Variants in ARL2 observed in about 807,000 individuals in gnomAD.
ARL2 encodes ADP-ribosylation factor-like protein 2.
Under a neutral mutation model 22.0 loss-of-function variants are expected in ARL2, and 11 were observed. The ratio of observed to expected loss-of-function variants is 0.50; its 90% CI spans 0.31 to 0.83. ARL2 has a LOEUF of 0.83. ARL2 is among the 40% of genes least tolerant of loss of function. ARL2 has a pLI of 0.04. For synonymous variants in ARL2, 111 were observed against 100.8 expected, an observed-to-expected ratio of 1.10 and a Z score of -0.61; for missense variants, 216 against 243.2, an observed-to-expected ratio of 0.89 and a Z score of 0.74.
Position 65,018,804 on chromosome 11 carries a change from C to T in ARL2, c.339+71C>T, listed in dbSNP as rs574046543. ...CCTTCTCAGCAGATGCCCAGAGGGG[C>T]CCGTGGCCCCAGAGGGAAACCAGAG... On this transcript the variant is annotated intron_variant, in intron 3 of 4. Coordinates refer to ENST00000246747, the MANE Select transcript of ARL2 (RefSeq NM_001667.4). The surrounding 1 kb of genome is among the most constrained non-coding windows in gnomAD (Gnocchi z 4.2). The T allele has an allele frequency of 7.5e-6, 12 of 1,591,522 alleles. No homozygotes were observed. The South Asian group carries it at 1.0e-4, about 13-fold the overall frequency.
chr11:65,020,138 C>A (rs990114999), intron 3 of ARL2, among the ~76,000 whole-genome samples: 1 of 152,190 alleles, frequency 6.6e-6, no homozygotes, highest in African/African-American at 2.4e-5. Context: ...TTATGCAACA[C>A]CCCTCCCTGT....
rs1446015778 is a variant in ARL2, at chr11:65,018,538, A to G, written c.177-33A>G. The G allele has an allele frequency of 1.2e-6, 2 of 1,602,044 alleles. No homozygotes were observed. The highest frequency in any genetic ancestry group is 4.5e-5 in the East Asian group (2 of 44,452). ...GGCAGGGAAGGTGGGAGAGGGGCCC[A>G]GCTGACCCTCCTGTCACCCGCTCCT... On this transcript the variant is annotated intron_variant, in intron 2 of 4. Transcript: ENST00000246747. This position sits in a 1 kb window ranked among gnomAD's most constrained non-coding sequence, Gnocchi z 4.2.
chr11:65,017,230 G>A (rs1293461386), intron 1 of ARL2, among the ~76,000 whole-genome samples: 1 of 151,472 alleles, frequency 6.6e-6, no homozygotes, highest in Non-Finnish European at 1.5e-5. Flanking sequence ...GGGTCTCGCT[G>A]AGTCGCCCAG....
chr11:65,020,599 T>C, intron 4 of ARL2, 100 bp downstream of exon 4: 1 of 1,248,418 alleles, frequency 8.0e-7, no homozygotes, highest in Non-Finnish European at 1.1e-6. Context: ...CTGGGTGCAG[T>C]GGCTCACGCC....
Position 65,021,822 on chromosome 11 carries a change from T to C in ARL2, c.522T>C (p.Asp174=), listed in dbSNP as rs777076110. The C allele has an allele frequency of 5.6e-6, 9 of 1,613,320 alleles. No homozygotes were observed. The African/African-American group carries it at 1.2e-4, about 22-fold the overall frequency. The change falls in exon 5 of 5, where the codon GAT becomes GAC. Residue 174 remains aspartate, a synonymous_variant. Transcript: ENST00000246747. ...TGCCGGGCATCGACTGGCTCCTGGA[T>C]GACATTTCCAGCCGCATTTTCACAG... ...NLLPGIDWLL[D]DISSRIFTAD
At chr11:65,019,551 AAAG>A (rs201806415) in intron 3 of ARL2, 33 of 153,094 alleles carry the variant, frequency 2.2e-4, no homozygotes, top group Non-Finnish European at 2.0e-4. Flanking sequence ...CAAAAAAAAA[AAAG>A]AAGGACACTT....
At chr11:65,021,529 T>G (rs969331234) in intron 4 of ARL2, 192 bp from the exon 5 acceptor site, 4 of 626,266 alleles carry the variant, frequency 6.4e-6, no homozygotes, top group Non-Finnish European at 8.2e-6. Flanking sequence ...GGCATGGAAC[T>G]GGACAGAGAG....
chr11:65,014,207 C>T lies in ARL2; in HGVS notation c.-1C>T, dbSNP rs1202424623. ...GCGGCCGGGAGGGGGCTCCGGGGAC[C>T]ATGGGGCTCCTGACCATTCTGAAGA... On this transcript the variant is annotated 5_prime_UTR_variant, in exon 1 of 5. Transcript: ENST00000246747. 1.3e-6 allele frequency: 2 copies of T among 1,570,212 alleles called. No homozygotes were observed. Among genetic ancestry groups the T allele is most frequent in the Non-Finnish European group, 8.6e-7 (1 of 1,162,066 alleles).
chr11:65,014,312 C>A, intron 1 of ARL2, 40 bp downstream of exon 1: 1 of 1,505,662 alleles, frequency 6.6e-7, no homozygotes, highest in South Asian at 1.3e-5. Context: ...GTGGCGGGGT[C>A]CAGCCGGGCA....
intron 3 of ARL2, chr11:65,019,039 G>A (rs771242301): frequency 9.8e-6 from 10 of 1,019,806 alleles, no homozygotes; most frequent in African/African-American, 1.6e-5. Flanking sequence ...ATGAAGCTTC[G>A]AGAGGCCATG....
chr11:65,020,196 G>T (rs558243426), intron 3 of ARL2, among the ~76,000 whole-genome samples: 2 of 152,306 alleles, frequency 1.3e-5, no homozygotes, highest in South Asian at 4.1e-4. Flanking sequence ...TCCCCTGGGT[G>T]GTGGTTGGCT....
At chr11:65,015,894 T>C (rs1266452617) in intron 1 of ARL2, among the ~76,000 whole-genome samples, 1 of 151,392 alleles carries the variant, frequency 6.6e-6, no homozygotes, top group Non-Finnish European at 1.5e-5. Flanking sequence ...TAATGCAATT[T>C]AGGGTGGTCA....
chr11:65,017,085 C>T (rs1375211091), intron 1 of ARL2, among the ~76,000 whole-genome samples: 2 of 151,920 alleles, frequency 1.3e-5, no homozygotes, highest in Non-Finnish European at 2.9e-5. Context: ...CTTGAAAGAG[C>T]AAGAAGGCAG....
rs567351380 is a variant in ARL2 at position 65,022,103 on chromosome 11, G to A, written c.*248G>A. 2.4e-5 allele frequency: 13 copies of A among 533,888 alleles called. No homozygotes were observed. Among genetic ancestry groups the A allele is most frequent in the Admixed American group, 9.5e-5 (3 of 31,678 alleles). The allele number at this position is 533,888 out of a possible 1,614,324, so 33.1% of individuals were successfully genotyped here. A position where few individuals can be genotyped will look rare whatever the true frequency, so the allele number is the denominator to read the frequency against. ...CCATACCAAGAAGAGAGGGCTGGGC[G>A]GGGAGGAGCTGCTACTGCTGCTACC... On this transcript the variant is annotated 3_prime_UTR_variant, in exon 5 of 5. Transcript: ENST00000246747.
Position 65,022,079 on chromosome 11 carries a change from C to A in ARL2, c.*224C>A. Reference sequence around the variant, plus strand: ...GGCTCCTGACCTGGCCTTTGGCTACCATACCAAGAAGAGAGGGCTGGGCGG... The same window carrying A: ...GGCTCCTGACCTGGCCTTTGGCTACAATACCAAGAAGAGAGGGCTGGGCGG... On this transcript the variant is annotated 3_prime_UTR_variant, in exon 5 of 5. Transcript: ENST00000246747. 1 of 606,046 alleles carries A rather than the reference C, an allele frequency of 1.7e-6. No individual in the cohort carries two copies. The highest frequency in any genetic ancestry group is 2.8e-6 in the Non-Finnish European group (1 of 355,152). The allele number at this position is 606,046 out of a possible 1,614,324, so 37.5% of individuals were successfully genotyped here.
At position 65,016,194 on chromosome 11, in the gene ARL2, C is replaced by A. The variant is rs148256672; in HGVS notation, c.65+1922C>A. On this transcript the variant is annotated intron_variant, in intron 1 of 4. Transcript: ENST00000246747. ...TGCAGTCCAGCCTGGGTGACAAGAG[C>A]GAAACTCTGTTAAAAAAAAAAAAAA... Among the ~76,000 whole-genome samples the A allele has an allele frequency of 5.7e-3, 528 of 92,420 alleles. 2 individuals are homozygous for A. The highest frequency in any genetic ancestry group is 0.024 in the African/African-American group (506 of 21,508). 60.6% of individuals were successfully genotyped at this position (92,420 alleles called of 152,430 possible).
At chr11:65,019,800 AG>A (rs944777324) in intron 3 of ARL2, among the ~76,000 whole-genome samples, 54 of 152,290 alleles carry the variant, frequency 3.5e-4, no homozygotes, top group Middle Eastern at 3.4e-3. Flanking sequence ...TGAGAGTGAA[AG>A]GGGGGATTCT....
intron 1 of ARL2, among the ~76,000 whole-genome samples, chr11:65,017,921 G>C (rs1428951916): frequency 1.3e-5 from 2 of 152,254 alleles, no homozygotes; most frequent in East Asian, 3.9e-4. Context: ...TTGTATTTTG[G>C]GTCTCAGCTC....
rs778508915 is a variant in ARL2 at position 65,014,188 on chromosome 11, G to C, written c.-20G>C. On this transcript the variant is annotated 5_prime_UTR_variant, in exon 1 of 5. Coordinates refer to ENST00000246747, the MANE Select transcript of ARL2 (RefSeq NM_001667.4). ...CCGGGACTGGGAAGAAACGGCGGCC[G>C]GGAGGGGGCTCCGGGGACCATGGGG... The C allele has an allele frequency of 1.1e-5, 17 of 1,550,884 alleles. No homozygotes were observed. The South Asian group carries it at 1.7e-4, about 15-fold the overall frequency.
Sources: allele counts gnomAD v4.1 joint callset (sites outside exome capture counted in the v4.1 genomes callset), GRCh38; gene constraint gnomAD v4.1.1; non-coding constraint Gnocchi (gnomAD v3.1); transcripts MANE v1.5; gene names NCBI Gene and HGNC (gene_info 2026-07-23, HGNC 2026-07-21).